Variants in SPMIP2 observed in about 807,000 individuals in gnomAD.
SPMIP2 encodes protein SPMIP2.
the SPMIP2 span, among the ~76,000 whole-genome samples, chr4:159,015,618 T>G: frequency 6.6e-6 from 1 of 152,204 alleles, no homozygotes; most frequent in African/African-American, 2.4e-5. Flanking sequence ...CAGTCTATTC[T>G]ATTAGAAAAA....
At chr4:158,911,377 A>AATAAATAAATAAAT in the SPMIP2 span, among the ~76,000 whole-genome samples, 2 of 147,192 alleles carry the variant, frequency 1.4e-5, no homozygotes, top group African/African-American at 5.4e-5. Flanking sequence ...TAAATAAATA[A>AATAAATAAATAAAT]ATAAATAAAA....
the SPMIP2 span, among the ~76,000 whole-genome samples, chr4:159,047,465 C>A: frequency 6.6e-6 from 1 of 152,154 alleles, no homozygotes. Flanking sequence ...TAGAAACATT[C>A]TTCTCATTCC....
chr4:158,908,967 C>T, the SPMIP2 span, among the ~76,000 whole-genome samples: 1 of 152,132 alleles, frequency 6.6e-6, no homozygotes. Flanking sequence ...GGATTACAGG[C>T]GTGAGCCACT....
the SPMIP2 span, among the ~76,000 whole-genome samples, chr4:159,062,975 G>C: frequency 6.6e-6 from 1 of 151,448 alleles, no homozygotes; most frequent in Admixed American, 6.6e-5. Context: ...TTACAGGCAT[G>C]AGCCCAGCAG....
the SPMIP2 span, among the ~76,000 whole-genome samples, chr4:158,999,172 A>G: frequency 6.7e-5 from 3 of 44,556 alleles, no homozygotes; most frequent in Non-Finnish European, 1.4e-4. Context: ...CCCTGCCTCA[A>G]AAAAAAAAAC....
chr4:158,893,480 A>G, the SPMIP2 span: 1 of 508,102 alleles, frequency 2.0e-6, no homozygotes, highest in Non-Finnish European at 3.6e-6. Flanking sequence ...TATGATAGTC[A>G]ATAACAATTA....
the SPMIP2 span, among the ~76,000 whole-genome samples, chr4:158,969,777 G>A: frequency 1.3e-5 from 2 of 152,320 alleles, no homozygotes; most frequent in South Asian, 4.1e-4. Flanking sequence ...ACCTGGAGCA[G>A]TAAATTAGGC....
At chr4:158,965,262 TTTA>T in the SPMIP2 span, among the ~76,000 whole-genome samples, 1 of 135,998 alleles carries the variant, frequency 7.4e-6, no homozygotes, top group East Asian at 2.2e-4. Flanking sequence ...TTTTTTTTTT[TTTA>T]AAGAAAGACT....
At chr4:159,072,068 T>C in the SPMIP2 span, among the ~76,000 whole-genome samples, 27 of 152,368 alleles carry the variant, frequency 1.8e-4, no homozygotes, top group African/African-American at 6.0e-4. Context: ...GTCCCAGCAC[T>C]TTGGTAGGCC....
chr4:159,011,747 T>G, the SPMIP2 span, among the ~76,000 whole-genome samples: 8 of 83,348 alleles, frequency 9.6e-5, no homozygotes, highest in Admixed American at 9.6e-4. Flanking sequence ...AGATCGAAAC[T>G]CCATCCCAAA....
At chr4:159,021,007 C>T in the SPMIP2 span, among the ~76,000 whole-genome samples, 66 of 152,264 alleles carry the variant, frequency 4.3e-4, no homozygotes, top group South Asian at 6.8e-3. Context: ...GTGATCCACC[C>T]GCCTCAGCCG....
chr4:158,964,165 A>G, the SPMIP2 span, among the ~76,000 whole-genome samples: 2 of 129,356 alleles, frequency 1.5e-5, no homozygotes, highest in African/African-American at 5.4e-5. Context: ...AACAAAACAA[A>G]ACAAAACAAA....
the SPMIP2 span, among the ~76,000 whole-genome samples, chr4:158,921,041 C>T: frequency 6.6e-6 from 1 of 152,326 alleles, no homozygotes; most frequent in African/African-American, 2.4e-5. Context: ...CCAGCTGACA[C>T]TTATGGAAAA....
chr4:159,037,255 G>T, the SPMIP2 span, among the ~76,000 whole-genome samples: 2 of 152,118 alleles, frequency 1.3e-5, no homozygotes, highest in African/African-American at 4.8e-5. Flanking sequence ...AACCAGGTTA[G>T]CTCTTCTCCA....
chr4:158,906,134 GT>G, the SPMIP2 span: 3 of 152,022 alleles, frequency 2.0e-5, no homozygotes, highest in Admixed American at 6.6e-5. Context: ...TCTTTTTAAT[GT>G]TTTCCTATTT....
chr4:158,929,685 T>TTTCCTCC, the SPMIP2 span, among the ~76,000 whole-genome samples: 4 of 152,214 alleles, frequency 2.6e-5, no homozygotes, highest in African/African-American at 9.7e-5. Context: ...TATAACTCCA[T>TTTCCTCC]TTCCTCCTTC....
the SPMIP2 span, among the ~76,000 whole-genome samples, chr4:159,060,902 T>A: frequency 4.0e-5 from 6 of 151,862 alleles, no homozygotes; most frequent in Non-Finnish European, 7.4e-5. Context: ...CTAGGCAACA[T>A]GGCAAAATCC....
At chr4:158,947,983 T>C in the SPMIP2 span, among the ~76,000 whole-genome samples, 28 of 152,310 alleles carry the variant, frequency 1.8e-4, no homozygotes, top group Middle Eastern at 3.4e-3. Context: ...ATTAAAATGT[T>C]AATCCCCTTC....
chr4:159,033,289 TA>T, the SPMIP2 span, among the ~76,000 whole-genome samples: 2 of 143,966 alleles, frequency 1.4e-5, no homozygotes, highest in Non-Finnish European at 3.0e-5. Context: ...TGCCAGGAGC[TA>T]GGGGGAAAGG....
Sources: gnomAD v4.1 joint callset for allele counts (sites outside exome capture counted in the v4.1 genomes callset) on GRCh38, gnomAD v4.1.1 for gene constraint, MANE v1.5 for transcripts, NCBI Gene and HGNC (gene_info 2026-07-23, HGNC 2026-07-21) for gene names.